STAU2: variants seen among roughly 807,000 people sequenced by gnomAD.
STAU2 encodes the protein double-stranded RNA-binding protein Staufen homolog 2.
In STAU2, 20 loss-of-function variants were observed where a neutral mutation model predicts 65.9. That is an observed-to-expected ratio of 0.30 (90% CI 0.21 to 0.44). STAU2 has a LOEUF of 0.44. Ranked by LOEUF, STAU2 falls within the 20% of genes least tolerant of loss-of-function variation. The pLI is 1.00. For synonymous variants in STAU2, 232 were observed against 233.9 expected (o/e 0.99, Z 0.07); for missense variants, 558 against 683.9 (o/e 0.82, Z 2.05).
At chr8:73,728,178 C>T (rs1237683799) in intron 3 of STAU2, 1 of 152,118 alleles carries the variant, frequency 6.6e-6, no homozygotes, top group Admixed American at 6.6e-5. Flanking sequence ...CCAGGGGTCC[C>T]CAAACCATTT....
chr8:73,437,926 G>A (rs978619253), intron 13 of STAU2, among the ~76,000 whole-genome samples: 6 of 152,112 alleles, frequency 3.9e-5, no homozygotes, highest in South Asian at 2.1e-4. Context: ...AGGCAATCAC[G>A]CACCATGCCC....
At chr8:73,453,141 G>T (rs973884476) in intron 13 of STAU2, among the ~76,000 whole-genome samples, 1 of 152,114 alleles carries the variant, frequency 6.6e-6, no homozygotes, top group Non-Finnish European at 1.5e-5. Context: ...GCAGCTGCAG[G>T]TTTCTTAACA....
chr8:73,688,354 C>T (rs1819088588), intron 5 of STAU2, among the ~76,000 whole-genome samples: 1 of 151,678 alleles, frequency 6.6e-6, no homozygotes, highest in African/African-American at 2.4e-5. Context: ...TTAGTAGAGA[C>T]AGGGTTTCAC....
intron 13 of STAU2, among the ~76,000 whole-genome samples, chr8:73,476,510 C>T (rs920456130): frequency 2.6e-4 from 39 of 152,146 alleles, no homozygotes; most frequent in Non-Finnish European, 4.7e-4. Context: ...GGGTAATGTA[C>T]TATGACTTTG....
At chr8:73,525,622 C>G (rs1823314954) in intron 13 of STAU2, among the ~76,000 whole-genome samples, 1 of 152,212 alleles carries the variant, frequency 6.6e-6, no homozygotes, top group Non-Finnish European at 1.5e-5. Flanking sequence ...TGATCCCAGT[C>G]TGCACTCTCA....
At chr8:73,693,447 C>G (rs1819495301) in intron 4 of STAU2, among the ~76,000 whole-genome samples, 1 of 147,130 alleles carries the variant, frequency 6.8e-6, no homozygotes, top group Non-Finnish European at 1.5e-5. Flanking sequence ...TGCAGTCCAG[C>G]CTGGGCGAAA....
chr8:73,694,340 C>T (rs981759768), intron 4 of STAU2, among the ~76,000 whole-genome samples: 1 of 152,150 alleles, frequency 6.6e-6, no homozygotes, highest in Non-Finnish European at 1.5e-5. Flanking sequence ...ACAATCTTAT[C>T]AACACTGTTA....
chr8:73,623,732 A>G (rs1022170755), intron 6 of STAU2, among the ~76,000 whole-genome samples: 1 of 152,222 alleles, frequency 6.6e-6, no homozygotes, highest in Non-Finnish European at 1.5e-5. Flanking sequence ...TTCTTGCTGT[A>G]GAAAAACAGC....
chr8:73,455,560 C>T (rs1585792595), intron 13 of STAU2, among the ~76,000 whole-genome samples: 1 of 152,046 alleles, frequency 6.6e-6, no homozygotes, highest in African/African-American at 2.4e-5. Flanking sequence ...ACCAGGAGTG[C>T]GAGGTATGTT....
intron 2 of STAU2, 116 bp from the exon 3 acceptor site, chr8:73,738,465 C>T: frequency 4.2e-6 from 3 of 721,906 alleles, no homozygotes; most frequent in South Asian, 2.0e-5. Flanking sequence ...ATCCAGATCT[C>T]CATAGAACTT....
chr8:73,441,591 T>C (rs1804190415), intron 13 of STAU2: 1 of 152,218 alleles, frequency 6.6e-6, no homozygotes, highest in African/African-American at 2.4e-5. Context: ...TAGACACTTA[T>C]TGGCTGAATG....
chr8:73,495,909 T>C lies in STAU2; in HGVS notation c.1530+56103A>G, dbSNP rs181644121. Among the ~76,000 whole-genome samples the C allele has an allele frequency of 9.5e-4, 144 of 151,534 alleles. 2 individuals are homozygous for C. Among genetic ancestry groups the C allele is most frequent in the Non-Finnish European group, 1.5e-3 (103 of 67,622 alleles). On this transcript the variant is annotated intron_variant, in intron 13 of 14. Transcript: ENST00000524300. ...TCTCTTTTGTCTCCCCGCACACATA[T>C]ATGTACACACACAAAGCTGCTCTCT... is the stretch of plus-strand genomic sequence containing the variant.
At chr8:73,486,119 A>G (rs751678200) in intron 13 of STAU2, among the ~76,000 whole-genome samples, 6 of 152,082 alleles carry the variant, frequency 3.9e-5, no homozygotes, top group African/African-American at 7.2e-5. Context: ...AACTTTGCCA[A>G]TTAGGTACAT....
intron 13 of STAU2, among the ~76,000 whole-genome samples, chr8:73,437,133 G>A (rs1324468918): frequency 6.6e-6 from 1 of 152,110 alleles, no homozygotes; most frequent in Non-Finnish European, 1.5e-5. Flanking sequence ...TTAAGATCTA[G>A]GAGTTCTGTT....
At chr8:73,519,176 G>C (rs1341903036) in intron 13 of STAU2, among the ~76,000 whole-genome samples, 1 of 152,194 alleles carries the variant, frequency 6.6e-6, no homozygotes, top group Non-Finnish European at 1.5e-5. Flanking sequence ...AGCCGCTGAA[G>C]TTCAAAACCT....
intron 6 of STAU2, among the ~76,000 whole-genome samples, chr8:73,630,065 A>T (rs1813975352): frequency 6.6e-6 from 1 of 152,230 alleles, no homozygotes; most frequent in Admixed American, 6.5e-5. Context: ...AGTACTTGGA[A>T]CTTTAAGAAA....
intron 9 of STAU2, among the ~76,000 whole-genome samples, chr8:73,610,979 G>C (rs1352586900): frequency 2.0e-5 from 3 of 152,194 alleles, no homozygotes; most frequent in Non-Finnish European, 4.4e-5. Context: ...TCATCTGTAA[G>C]ATGGAAATGA....
At chr8:73,577,481 T>C (rs972417433) in intron 12 of STAU2, among the ~76,000 whole-genome samples, 3 of 151,096 alleles carry the variant, frequency 2.0e-5, no homozygotes, top group African/African-American at 7.3e-5. Flanking sequence ...ATAATATTTA[T>C]GTTTAAATGC....
chr8:73,742,140 A>T, intron 1 of STAU2: 3 of 898,982 alleles, frequency 3.3e-6, no homozygotes, highest in Non-Finnish European at 4.0e-6. Context: ...CTTTAAAGAC[A>T]CGCCCAGTCT....
Sources: allele counts gnomAD v4.1 joint callset (sites outside exome capture counted in the v4.1 genomes callset), GRCh38; gene constraint gnomAD v4.1.1; transcripts MANE v1.5; gene names NCBI Gene and HGNC (gene_info 2026-07-23, HGNC 2026-07-21).